The following FOXP1 variants were observed in gnomAD, a reference collection of about 807,000 sequenced individuals.
FOXP1 encodes forkhead box protein P1.
A neutral mutation model predicts 98.2 loss-of-function variants in FOXP1; 15 were observed. The observed-to-expected ratio is 0.15, with a 90% CI of 0.10 to 0.24. The LOEUF (loss-of-function observed/expected upper bound fraction) is 0.24, where lower values mean the gene tolerates loss of function less well. FOXP1 is among the 10% of genes least tolerant of loss of function. The pLI, the probability that FOXP1 is intolerant of heterozygous loss-of-function variation, is 1.00. For synonymous variants in FOXP1, 371 were observed against 314.5 expected (o/e 1.18, Z -1.90); for missense variants, 633 against 848.5 (o/e 0.75, Z 3.15).
At chr3:71,343,554 A>ATTTTTTTTTT (rs10658352) in intron 4 of FOXP1, among the ~76,000 whole-genome samples, 7 of 116,414 alleles carry the variant, frequency 6.0e-5, no homozygotes, top group Non-Finnish European at 1.0e-4. Context: ...TCTCAATTAG[A>ATTTTTTTTTT]TTTTTTTTTT....
At chr3:71,436,508 C>G (rs970047051) in intron 3 of FOXP1, among the ~76,000 whole-genome samples, 2 of 152,004 alleles carry the variant, frequency 1.3e-5, no homozygotes, top group African/African-American at 4.8e-5. Context: ...ATAAACATGA[C>G]TCACTCTCAT....
At position 71,023,241 on chromosome 3, in the gene FOXP1, T is replaced by C. The variant is rs147979982; in HGVS notation, c.870-7588A>G. The stretch of plus-strand genomic sequence containing the variant: ...CCATGTCTCTCTTTGTCTGTTATCC[T>C]TCCAAATTATTTGGTCTCATGTCCA... On this transcript the variant is annotated intron_variant, in intron 11 of 20. Coordinates refer to ENST00000649528, the MANE Select transcript of FOXP1 (RefSeq NM_001349338.3). Among the ~76,000 whole-genome samples, 903 of 152,344 alleles carry C rather than the reference T, an allele frequency of 5.9e-3. 4 individuals are homozygous for C. Among genetic ancestry groups the C allele is most frequent in the Non-Finnish European group, 9.5e-3 (647 of 68,026 alleles).
At chr3:71,460,061 G>A (rs1441327922) in intron 3 of FOXP1, among the ~76,000 whole-genome samples, 2 of 151,444 alleles carry the variant, frequency 1.3e-5, no homozygotes, top group African/African-American at 4.9e-5. Flanking sequence ...AGCCTCCCAA[G>A]TAGCTGGGAC....
chr3:71,015,704 A>T (rs764632903), intron 11 of FOXP1, 51 bp from the exon 12 acceptor site: 76 of 1,292,812 alleles, frequency 5.9e-5, no homozygotes, highest in Non-Finnish European at 8.2e-5. Flanking sequence ...GCCAAGAACC[A>T]TTCCACCAGA....
intron 5 of FOXP1, among the ~76,000 whole-genome samples, chr3:71,206,865 TG>T (rs2064077088): frequency 6.6e-6 from 1 of 152,196 alleles, no homozygotes; most frequent in Non-Finnish European, 1.5e-5. Context: ...AGAGTTTAAG[TG>T]CCGTAATCAT....
intron 12 of FOXP1, among the ~76,000 whole-genome samples, chr3:71,009,903 G>A (rs1000617827): frequency 2.0e-5 from 3 of 150,090 alleles, no homozygotes; most frequent in East Asian, 3.9e-4. Flanking sequence ...CACATGCCAC[G>A]ACACCCAGCT....
chr3:71,028,597 T>C (rs920558449), intron 11 of FOXP1, among the ~76,000 whole-genome samples: 1 of 152,204 alleles, frequency 6.6e-6, no homozygotes, highest in African/African-American at 2.4e-5. Context: ...GCCAACCTTT[T>C]TGGCACCAGG....
chr3:71,375,485 T>C (rs1458442178), intron 3 of FOXP1, among the ~76,000 whole-genome samples: 1 of 152,226 alleles, frequency 6.6e-6, no homozygotes, highest in Admixed American at 6.5e-5. Flanking sequence ...ATAGCATACC[T>C]TACCTTAGGA....
intron 7 of FOXP1, among the ~76,000 whole-genome samples, chr3:71,078,399 G>A (rs2054046520): frequency 1.3e-5 from 2 of 152,108 alleles, no homozygotes; most frequent in South Asian, 4.1e-4. Context: ...AGCAATCAAT[G>A]ATTAGACTCT....
chr3:71,405,879 C>A (rs2082282622), intron 3 of FOXP1, among the ~76,000 whole-genome samples: 1 of 151,996 alleles, frequency 6.6e-6, no homozygotes, highest in South Asian at 2.1e-4. Flanking sequence ...CAGGTGCCCG[C>A]CCCAACGCCC....
At position 70,973,232 on chromosome 3, in the gene FOXP1, C is replaced by CCCCCG. The variant is rs1468806678; in HGVS notation, c.1531-557_1531-556insCGGGG. 3.4e-4 allele frequency among the ~76,000 whole-genome samples: 49 copies of CCCCCG among 143,340 alleles called. 1 individual carries two copies. The highest frequency in any genetic ancestry group is 1.1e-3 in the Admixed American group (16 of 14,516). The allele number at this position is 143,340 out of a possible 152,430, so 94.0% of individuals were successfully genotyped here. ...AAAGGATCGGGGGGTGGTGAACGGA[C>CCCCCG]CCCCCGCCCCCGCCCCGCCCCGCCC... On this transcript the variant is annotated intron_variant, in intron 17 of 20. Coordinates refer to ENST00000649528, the MANE Select transcript of FOXP1 (RefSeq NM_001349338.3).
chr3:71,085,778 G>A (rs1464366195), intron 7 of FOXP1, among the ~76,000 whole-genome samples: 1 of 79,334 alleles, frequency 1.3e-5, no homozygotes, highest in Admixed American at 2.1e-4. Context: ...TTGCCAGACT[G>A]GAGTGCAGTG....
intron 6 of FOXP1, among the ~76,000 whole-genome samples, chr3:71,176,194 T>C (rs1292287632): frequency 1.3e-5 from 2 of 152,192 alleles, no homozygotes; most frequent in East Asian, 1.9e-4. Context: ...ATCCTGTCAG[T>C]GTGTGACAGC....
At chr3:71,178,430 G>A (rs1364193461) in intron 6 of FOXP1, among the ~76,000 whole-genome samples, 1 of 151,744 alleles carries the variant, frequency 6.6e-6, no homozygotes, top group African/African-American at 2.4e-5. Flanking sequence ...CATCGCGCCC[G>A]GCCAGTAATT....
intron 6 of FOXP1, among the ~76,000 whole-genome samples, chr3:71,150,814 A>G (rs12633797): frequency 0.37 from 55,723 of 151,896 alleles, 10,675 homozygotes; most frequent in East Asian, 0.61. Flanking sequence ...AACGTTAAGT[A>G]TGTGGCATGG....
chr3:71,259,929 C>T (rs1331939647), intron 5 of FOXP1, among the ~76,000 whole-genome samples: 1 of 152,064 alleles, frequency 6.6e-6, no homozygotes, highest in East Asian at 1.9e-4. Context: ...CCCAGTTAGG[C>T]AGGGACATGA....
chr3:70,976,380 A>T (rs77047399), intron 17 of FOXP1, among the ~76,000 whole-genome samples: 3,668 of 152,256 alleles, frequency 0.024, 152 homozygotes, highest in African/African-American at 0.081. Context: ...AAAACCAAAA[A>T]AAGAAAAACA....
chr3:71,415,888 C>T (rs2108298940), intron 3 of FOXP1, among the ~76,000 whole-genome samples: 1 of 152,128 alleles, frequency 6.6e-6, no homozygotes, highest in South Asian at 2.1e-4. Flanking sequence ...AAAGAGTAAC[C>T]ACTTGGTTTG....
intron 13 of FOXP1, among the ~76,000 whole-genome samples, chr3:70,989,752 G>T (rs1173234766): frequency 6.6e-6 from 1 of 152,054 alleles, no homozygotes; most frequent in African/African-American, 2.4e-5. Flanking sequence ...CAAATTAAAG[G>T]GTGAGAGGTG....
Sources: gnomAD v4.1 joint callset for allele counts (sites outside exome capture counted in the v4.1 genomes callset) on GRCh38, gnomAD v4.1.1 for gene constraint, MANE v1.5 for transcripts, NCBI Gene and HGNC (gene_info 2026-07-23, HGNC 2026-07-21) for gene names.